Variants in SCLT1 observed in about 807,000 individuals in gnomAD.
SCLT1 encodes the protein sodium channel and clathrin linker 1, also known as sodium channel-associated protein 1.
In SCLT1, 78 loss-of-function variants were observed where a neutral mutation model predicts 112.8. The observed-to-expected ratio is 0.69, with a 90% CI of 0.58 to 0.83. The LOEUF (loss-of-function observed/expected upper bound fraction) is 0.83. SCLT1 is among the 40% of genes least tolerant of loss of function. The pLI, the probability that SCLT1 is intolerant of heterozygous loss-of-function variation, is 0.00. For missense variants in SCLT1, 747 were observed against 770.4 expected (o/e 0.97, Z 0.36); for synonymous variants, 257 against 254.7 (o/e 1.01, Z -0.09).
intron 6 of SCLT1, among the ~76,000 whole-genome samples, chr4:129,002,745 T>A (rs1261807785): frequency 6.6e-6 from 1 of 152,092 alleles, no homozygotes; most frequent in Non-Finnish European, 1.5e-5. Context: ...TACCATCTCA[T>A]GCCAGTTAGA....
intron 18 of SCLT1, among the ~76,000 whole-genome samples, chr4:128,926,678 A>G (rs1301021027): frequency 6.6e-6 from 1 of 152,088 alleles, no homozygotes; most frequent in East Asian, 1.9e-4. Flanking sequence ...TCAGTAATAT[A>G]CAATAAATAT....
At chr4:128,951,721 C>T (rs1738756304) in intron 14 of SCLT1, among the ~76,000 whole-genome samples, 1 of 152,102 alleles carries the variant, frequency 6.6e-6, no homozygotes, top group Admixed American at 6.5e-5. Flanking sequence ...GGAAGCAAAA[C>T]TCCACAACAA....
chr4:129,001,428 C>A (rs1188379642), intron 6 of SCLT1, among the ~76,000 whole-genome samples: 2 of 152,026 alleles, frequency 1.3e-5, no homozygotes, highest in Non-Finnish European at 2.9e-5. Flanking sequence ...AATGGTACAA[C>A]TTACTATTTG....
intron 5 of SCLT1, among the ~76,000 whole-genome samples, chr4:129,031,037 G>C (rs1245899188): frequency 6.6e-6 from 1 of 152,070 alleles, no homozygotes; most frequent in African/African-American, 2.4e-5. Flanking sequence ...CAATATCCCT[G>C]ATGAACATCG....
At chr4:129,039,264 C>A in intron 4 of SCLT1, 168 bp from the exon 5 acceptor site, 1 of 533,906 alleles carries the variant, frequency 1.9e-6, no homozygotes, top group Non-Finnish European at 3.4e-6. Flanking sequence ...TACTAATAAA[C>A]AGAACACAAT....
chr4:128,981,383 T>C lies in SCLT1; in HGVS notation c.686+10784A>G, dbSNP rs553120920. On this transcript the variant is annotated intron_variant, in intron 9 of 20. Transcript: ENST00000281142. ...GGATAAGAGGGGCTGGAATTCTAAA[T>C]ATTACCAGCCATTTAGTCTGGAGGT... Among the ~76,000 whole-genome samples the C allele has an allele frequency of 7.7e-4, 118 of 152,294 alleles. No homozygotes were observed. In the Middle Eastern group the frequency reaches 0.01, roughly 13 times the overall value.
chr4:128,948,375 ACTTACCAGG>A, intron 15 of SCLT1, 112 bp downstream of exon 15: 2 of 1,165,204 alleles, frequency 1.7e-6, no homozygotes, highest in Non-Finnish European at 2.2e-6. Flanking sequence ...GAAAAGAAAA[ACTTACCAGG>A]ACAATACTAA....
intron 5 of SCLT1, among the ~76,000 whole-genome samples, chr4:129,020,660 T>G (rs529596436): frequency 6.2e-4 from 94 of 152,364 alleles, no homozygotes; most frequent in African/African-American, 1.5e-3. Context: ...CACCTGTAGA[T>G]ACATTCAGGT....
intron 9 of SCLT1, among the ~76,000 whole-genome samples, chr4:128,980,851 A>C (rs1741585143): frequency 6.6e-6 from 1 of 152,134 alleles, no homozygotes. Flanking sequence ...TGTGTAGCTG[A>C]AGGAGATAAA....
chr4:128,969,912 C>A (rs899660646), intron 10 of SCLT1, among the ~76,000 whole-genome samples: 3 of 152,058 alleles, frequency 2.0e-5, no homozygotes, highest in Non-Finnish European at 4.4e-5. Context: ...GCTAATAAGT[C>A]CCAGAGTGAG....
At chr4:128,908,271 G>A (rs1560827565) in intron 18 of SCLT1, among the ~76,000 whole-genome samples, 1 of 150,202 alleles carries the variant, frequency 6.7e-6, no homozygotes, top group African/African-American at 2.5e-5. Flanking sequence ...TGTGCCAGAT[G>A]TTTTTTTCTT....
At position 129,059,916 on chromosome 4, in the gene SCLT1, C is replaced by T. The variant is rs115290135; in HGVS notation, c.103-15865G>A. Among the ~76,000 whole-genome samples, 709 of 152,282 alleles carry T rather than the reference C, an allele frequency of 4.7e-3. 2 individuals are homozygous for T. The highest frequency in any genetic ancestry group is 7.6e-3 in the Admixed American group (117 of 15,304). The stretch of plus-strand genomic sequence containing the variant: ...CTCCACAGCCTTGGGAAGTTTTCAG[C>T]TATTATTTCATTAATAGGTTTTCTA... On this transcript the variant is annotated intron_variant, in intron 2 of 20. Transcript: ENST00000281142.
intron 9 of SCLT1, chr4:128,970,744 G>A (rs1740622477): frequency 3.8e-6 from 1 of 260,802 alleles, no homozygotes; most frequent in African/African-American, 2.2e-5. Context: ...GATTCAATAA[G>A]TTTCTTGAAA....
intron 5 of SCLT1, chr4:129,036,776 T>C (rs1747214664): frequency 6.6e-6 from 1 of 151,850 alleles, no homozygotes; most frequent in Non-Finnish European, 1.5e-5. Context: ...GAACAGCATG[T>C]ATTAATTTAA....
intron 18 of SCLT1, among the ~76,000 whole-genome samples, chr4:128,901,256 G>T (rs1217042066): frequency 6.6e-6 from 1 of 152,168 alleles, no homozygotes; most frequent in African/African-American, 2.4e-5. Flanking sequence ...CAATAGCAAA[G>T]ACCTGGAGCC....
At chr4:128,993,226 A>C (rs1311867921) in intron 8 of SCLT1, among the ~76,000 whole-genome samples, 1 of 151,998 alleles carries the variant, frequency 6.6e-6, no homozygotes, top group Non-Finnish European at 1.5e-5. Context: ...TACTTTGATA[A>C]AACTTAATAC....
chr4:129,093,011 G>T, intron 1 of SCLT1, 59 bp downstream of exon 1: 4 of 1,240,532 alleles, frequency 3.2e-6, no homozygotes, highest in East Asian at 2.3e-5. Flanking sequence ...AAGATTTGTC[G>T]GTCAACGACG....
At chr4:128,952,898 G>T (rs1738883804) in intron 13 of SCLT1, 58 bp from the exon 14 acceptor site, 3 of 835,638 alleles carry the variant, frequency 3.6e-6, no homozygotes, top group Admixed American at 3.8e-5. Context: ...ATTAATATCT[G>T]ATAAAAACAC....
At chr4:128,945,373 A>G (rs1349621507) in intron 16 of SCLT1, among the ~76,000 whole-genome samples, 2 of 152,190 alleles carry the variant, frequency 1.3e-5, no homozygotes, top group Non-Finnish European at 2.9e-5. Context: ...TAATCATATG[A>G]GCAGATTATC....
Sources: allele counts gnomAD v4.1 joint callset (sites outside exome capture counted in the v4.1 genomes callset), GRCh38; gene constraint gnomAD v4.1.1; transcripts MANE v1.5; gene names NCBI Gene and HGNC (gene_info 2026-07-23, HGNC 2026-07-21).